The following ACSL5 variants were observed in gnomAD, a reference collection of about 807,000 sequenced individuals.
ACSL5 encodes long-chain-fatty-acid--CoA ligase 5.
ACSL5 carries 50 observed loss-of-function variants against 84.9 expected under a neutral mutation model. That is an observed-to-expected ratio of 0.59 (90% confidence interval 0.47 to 0.75). ACSL5 has a LOEUF of 0.75. Ranked by LOEUF, ACSL5 falls within the 30% of genes least tolerant of loss-of-function variation. ACSL5 has a pLI of 0.00. For synonymous variants in ACSL5, 280 were observed against 300.7 expected (o/e 0.93, Z 0.71); for missense variants, 775 against 830.4 (o/e 0.93, Z 0.82).
In ACSL5 at chr10:112,402,028, C is replaced by T. The variant is rs139244329; in HGVS notation, c.266-2483C>T. On this transcript the variant is annotated intron_variant, in intron 3 of 20. Transcript: ENST00000354655. Reference sequence around the variant, plus strand: ...TTGCCCAGGCTGGAGTGCAGTGGCACGATCTAAGCTCACTGCAACCTCCAC... The same window carrying T: ...TTGCCCAGGCTGGAGTGCAGTGGCATGATCTAAGCTCACTGCAACCTCCAC... Among the ~76,000 whole-genome samples, 1,474 of 151,596 alleles carry T rather than the reference C, an allele frequency of 9.7e-3. 20 individuals carry two copies. Among genetic ancestry groups the T allele is most frequent in the Non-Finnish European group, 0.012 (789 of 67,882 alleles).
intron 5 of ACSL5, among the ~76,000 whole-genome samples, chr10:112,407,154 C>T (rs1398965639): frequency 6.6e-6 from 1 of 152,128 alleles, no homozygotes; most frequent in African/African-American, 2.4e-5. Context: ...ATTACCTCCC[C>T]CTGGGTCCCT....
At chr10:112,388,849 A>G (rs927299671) in intron 1 of ACSL5, among the ~76,000 whole-genome samples, 10 of 152,354 alleles carry the variant, frequency 6.6e-5, no homozygotes, top group African/African-American at 2.2e-4. Context: ...CCTATCAGCA[A>G]TACACAACCA....
At chr10:112,393,739 A>G (rs1843689724) in intron 1 of ACSL5, among the ~76,000 whole-genome samples, 2 of 152,348 alleles carry the variant, frequency 1.3e-5, no homozygotes, top group East Asian at 3.9e-4. Flanking sequence ...TGCTAGACAA[A>G]TTCAATCCCC....
At chr10:112,391,883 A>T (rs1354232712) in intron 1 of ACSL5, among the ~76,000 whole-genome samples, 2 of 152,104 alleles carry the variant, frequency 1.3e-5, no homozygotes, top group Admixed American at 6.6e-5. Flanking sequence ...CCCCCTTGAG[A>T]CGCCATAGAT....
At position 112,409,596 on chromosome 10, in the gene ACSL5, G is replaced by A. The variant is rs777394576; in HGVS notation, c.622G>A (p.Val208Met). The A allele has an allele frequency of 6.2e-7, 1 of 1,614,160 alleles. No homozygotes were observed. The highest frequency in any genetic ancestry group is 1.7e-5 in the Admixed American group (1 of 60,016). ...GAAAGGCTTCACCCCGAGCCTGAAG[G>A]TGATCATCCTTATGGACCCCTTTGA... ...VEKGFTPSLK[V>M]IILMDPFDDD... The change falls in exon 7 of 21, where the codon GTG (valine) becomes ATG (methionine). Residue 208 changes from valine (V) to methionine (M), a missense_variant. Coordinates refer to ENST00000354655, the MANE Select transcript of ACSL5 (RefSeq NM_203379.2).
At chr10:112,380,327 A>G (rs1021246233) in intron 1 of ACSL5, among the ~76,000 whole-genome samples, 8 of 152,146 alleles carry the variant, frequency 5.3e-5, no homozygotes, top group Non-Finnish European at 1.0e-4. Context: ...ACTCAGCTCA[A>G]CTGGCCAATG....
At chr10:112,376,298 C>G (rs370546224) in intron 1 of ACSL5, 16 of 1,613,978 alleles carry the variant, frequency 9.9e-6, no homozygotes, top group African/African-American at 6.7e-5. Flanking sequence ...TCTGGGCCGG[C>G]CTTCTGCCTG....
At chr10:112,401,192 G>A (rs1483577016) in intron 3 of ACSL5, among the ~76,000 whole-genome samples, 1 of 151,842 alleles carries the variant, frequency 6.6e-6, no homozygotes, top group Admixed American at 6.6e-5. Flanking sequence ...CTTCAGCCTG[G>A]GTAACAGAGG....
rs1440581957 is a variant in ACSL5 at position 112,410,476 on chromosome 10, A to G, written c.725A>G (p.Glu242Gly). The part of the protein sequence containing the change: ...SLYDAENLGK[E>G]HFRKPVPPSP... Reference sequence around the variant, plus strand: ...CCATTCACATAGAACCTAGGCAAAGAGCACTTCAGAAAACCTGTGGTAAGT... The same window carrying G: ...CCATTCACATAGAACCTAGGCAAAGGGCACTTCAGAAAACCTGTGGTAAGT... Residue 242 changes from glutamate to glycine, a missense_variant, in exon 8 of 21, where the codon GAG becomes GGG. Glu to Gly is a moderately conservative substitution (Grantham distance 98, BLOSUM62 -2). Coordinates refer to ENST00000354655, the MANE Select transcript of ACSL5 (RefSeq NM_203379.2). The G allele has an allele frequency of 2.5e-6, 4 of 1,614,216 alleles. No homozygotes were observed. The East Asian group carries it at 8.9e-5, about 36-fold the overall frequency.
At chr10:112,390,839 T>C (rs541148925) in intron 1 of ACSL5, among the ~76,000 whole-genome samples, 1 of 152,320 alleles carries the variant, frequency 6.6e-6, no homozygotes, top group East Asian at 1.9e-4. Context: ...ATGGTTTCAT[T>C]TATATGAAAT....
At chr10:112,382,900 T>C (rs1050675378) in intron 1 of ACSL5, among the ~76,000 whole-genome samples, 3 of 152,226 alleles carry the variant, frequency 2.0e-5, no homozygotes, top group Admixed American at 2.0e-4. Flanking sequence ...AGCTACCACC[T>C]GGTGTTTTAA....
At chr10:112,409,202 A>C (rs1844119646) in intron 6 of ACSL5, 1 of 283,882 alleles carries the variant, frequency 3.5e-6, no homozygotes, top group South Asian at 9.9e-5. Flanking sequence ...AAACAGTGAT[A>C]GAACCACACC....
chr10:112,400,444 C>G (rs1461703587), intron 3 of ACSL5, among the ~76,000 whole-genome samples: 5 of 124,454 alleles, frequency 4.0e-5, no homozygotes, highest in African/African-American at 1.5e-4. Flanking sequence ...GAGTCTCGCT[C>G]TGTTGCCCAG....
intron 12 of ACSL5, among the ~76,000 whole-genome samples, chr10:112,415,207 T>G (rs998120490): frequency 5.9e-5 from 9 of 152,210 alleles, no homozygotes; most frequent in African/African-American, 2.2e-4. Flanking sequence ...TTTTGTTTTG[T>G]TTTTGTTTTT....
intron 17 of ACSL5, 187 bp from the exon 18 acceptor site, chr10:112,425,151 A>G (rs1564745743): frequency 2.0e-6 from 1 of 490,754 alleles, no homozygotes; most frequent in Non-Finnish European, 3.6e-6. Context: ...TACAGTAAAG[A>G]CAGGTTCTTG....
intron 1 of ACSL5, among the ~76,000 whole-genome samples, chr10:112,374,618 G>A (rs1176576027): frequency 2.0e-5 from 3 of 152,174 alleles, no homozygotes; most frequent in East Asian, 1.9e-4. Flanking sequence ...TAGAAGGATC[G>A]TGCGTCAGCT....
intron 3 of ACSL5, among the ~76,000 whole-genome samples, chr10:112,402,673 C>T (rs1294595951): frequency 6.6e-6 from 1 of 152,168 alleles, no homozygotes; most frequent in Admixed American, 6.6e-5. Context: ...CTCTTCCCTG[C>T]TTTCCTTCCT....
chr10:112,399,371 T>C (rs766081563), intron 3 of ACSL5, among the ~76,000 whole-genome samples: 3 of 152,236 alleles, frequency 2.0e-5, no homozygotes, highest in South Asian at 2.1e-4. Context: ...GTACCTCATA[T>C]TTGTTTAGAA....
Position 112,411,513 on chromosome 10 carries a change from T to A in ACSL5, c.854T>A (p.Phe285Tyr). ...HQNIVSNAAA[F>Y]LKCVEHAYEP... ...AATATTGTTTCAAATGCTGCTGCCT[T>A]TCTCAAATGTGTGGAGGTCAGTGGT... The change falls in exon 10 of 21, where the codon TTT (phenylalanine) becomes TAT (tyrosine). Residue 285 changes from phenylalanine (F) to tyrosine (Y), a missense_variant. Transcript: ENST00000354655. The A allele has an allele frequency of 6.2e-7, 1 of 1,613,832 alleles. No individual in the cohort carries two copies. Among genetic ancestry groups the A allele is most frequent in the Non-Finnish European group, 8.5e-7 (1 of 1,179,744 alleles).
Sources: allele counts gnomAD v4.1 joint callset (sites outside exome capture counted in the v4.1 genomes callset), GRCh38; gene constraint gnomAD v4.1.1; transcripts MANE v1.5; gene names NCBI Gene and HGNC (gene_info 2026-07-23, HGNC 2026-07-21).